The following MRPS18A variants were observed in gnomAD, a reference collection of about 807,000 sequenced individuals.
The protein encoded by MRPS18A is large ribosomal subunit protein mL66.
MRPS18A carries 20 observed loss-of-function variants against 22.7 expected under a neutral mutation model. The ratio of observed to expected loss-of-function variants is 0.88; its 90% confidence interval spans 0.62 to 1.28. MRPS18A has a LOEUF of 1.28. Among genes scored for constraint, MRPS18A ranks in the 50% most tolerant of loss-of-function variants. The probability of loss-of-function intolerance (pLI) is 0.00; values close to 1 mark genes in which losing one functional copy is unlikely to be tolerated. For missense variants in MRPS18A, 294 were observed against 262.6 expected, an observed-to-expected ratio of 1.12 and a Z score of -0.83; for synonymous variants, 106 against 99.1, an observed-to-expected ratio of 1.07 and a Z score of -0.41.
intron 5 of MRPS18A, chr6:43,672,362 A>G (rs2277125): frequency 0.14 from 66,289 of 472,082 alleles, 5,720 homozygotes; most frequent in East Asian, 0.27. Flanking sequence ...TATAACTGGT[A>G]TAAGACCCCT....
chr6:43,671,724 C>T lies in MRPS18A; in HGVS notation c.*38G>A. The stretch of plus-strand genomic sequence containing the variant: ...TGTGAGTGGGCCTCCTACTCCCCAG[C>T]ACAGGTGCAGGAGGAACTCTGGAAG... On this transcript the variant is annotated 3_prime_UTR_variant, in exon 6 of 6. Transcript: ENST00000372133. The T allele has an allele frequency of 6.2e-7, 1 of 1,613,514 alleles. No homozygotes were observed.
chr6:43,685,855 T>C (rs1774667066), intron 1 of MRPS18A, among the ~76,000 whole-genome samples: 1 of 152,214 alleles, frequency 6.6e-6, no homozygotes, highest in Non-Finnish European at 1.5e-5. Flanking sequence ...GCTTTGAAGA[T>C]AGGTGATTCT....
At chr6:43,680,241 T>TG (rs35228097) in intron 2 of MRPS18A, among the ~76,000 whole-genome samples, 3,924 of 151,690 alleles carry the variant, frequency 0.026, 67 homozygotes, top group Non-Finnish European at 0.037. Context: ...CTAAGGGGAT[T>TG]GGGGGGGGTC....
In MRPS18A at chr6:43,680,565, C is replaced by T. The variant is rs111823463; in HGVS notation, c.144+524G>A. ...GGTGGGATGGGCCCAGGGAGGGAAA[C>T]GGGGGAGTGGGTAGATGAAGTATTG... On this transcript the variant is annotated intron_variant, in intron 2 of 5. Transcript: ENST00000372133. 7.3e-4 allele frequency among the ~76,000 whole-genome samples: 111 copies of T among 152,276 alleles called. 2 individuals are homozygous for T. Among genetic ancestry groups the T allele is most frequent in the Middle Eastern group, 3.4e-3 (1 of 294 alleles).
intron 5 of MRPS18A, 44 bp downstream of exon 5, chr6:43,675,158 C>A: frequency 6.8e-7 from 1 of 1,467,556 alleles, no homozygotes; most frequent in South Asian, 1.4e-5. Flanking sequence ...CCTAGTTTTC[C>A]TGAGCGCAGA....
At chr6:43,686,608 G>GC (rs1296893099) in intron 1 of MRPS18A, among the ~76,000 whole-genome samples, 1 of 152,006 alleles carries the variant, frequency 6.6e-6, no homozygotes, top group African/African-American at 2.4e-5. Context: ...AAATCCAATG[G>GC]CCCCTTCATT....
Position 43,671,375 on chromosome 6 carries a change from G to A in MRPS18A, c.*387C>T, listed in dbSNP as rs41281832. On this transcript the variant is annotated 3_prime_UTR_variant, in exon 6 of 6. Coordinates refer to ENST00000372133, the MANE Select transcript of MRPS18A (RefSeq NM_018135.4). Reference sequence around the variant, plus strand: ...ATTGGCCCCATCACAAGAGATCAGTGACTCAATGCTCAGCACCCAGCTGGC... The same window carrying A: ...ATTGGCCCCATCACAAGAGATCAGTAACTCAATGCTCAGCACCCAGCTGGC... 0.012 allele frequency: 4,596 copies of A among 395,086 alleles called. 42 individuals carry two copies. Among genetic ancestry groups the A allele is most frequent in the Non-Finnish European group, 0.017 (3,606 of 213,932 alleles). 24.5% of individuals were successfully genotyped at this position (395,086 alleles called of 1,614,324 possible). A position where few individuals can be genotyped will look rare whatever the true frequency, so the allele number is the denominator to read the frequency against.
At position 43,671,638 on chromosome 6, in the gene MRPS18A, T is replaced by G; in HGVS notation, c.*124A>C. The G allele has an allele frequency of 8.9e-7, 1 of 1,122,684 alleles. No individual in the cohort carries two copies. Among genetic ancestry groups the G allele is most frequent in the Non-Finnish European group, 1.3e-6 (1 of 760,038 alleles). 69.5% of individuals were successfully genotyped at this position (1,122,684 alleles called of 1,614,324 possible). On this transcript the variant is annotated 3_prime_UTR_variant, in exon 6 of 6. Transcript: ENST00000372133. Reference sequence around the variant, plus strand: ...AGTCCCACTGTCCCCTGTCCATGCATGTTGGAGGGACCAGGCCATCGTGGT... The same window carrying G: ...AGTCCCACTGTCCCCTGTCCATGCAGGTTGGAGGGACCAGGCCATCGTGGT...
chr6:43,675,226 G>C lies in MRPS18A; in HGVS notation c.422C>G (p.Pro141Arg), dbSNP rs35480020. Residue 141 changes from proline (P) to arginine (R), a missense_variant, in exon 5 of 6, where the codon CCG becomes CGG. Physicochemically the swap from Pro to Arg is moderately radical, Grantham distance 103. Transcript: ENST00000372133. ...CCGGTTGAGTTGGGGTTTGCTCTTC[G>C]GAACAACTCCTTCAGGAAGCCGAGG... ...HRPRLPEGVV[P>R]KSKPQLNRYL... 2,877 of 1,521,632 alleles carry C rather than the reference G, an allele frequency of 1.9e-3. 53 individuals carry two copies. In the African/African-American group the frequency reaches 0.035, roughly 19 times the overall value. 94.3% of individuals were successfully genotyped at this position (1,521,632 alleles called of 1,614,324 possible).
At position 43,671,684 on chromosome 6, in the gene MRPS18A, T is replaced by C. The variant is rs183928803; in HGVS notation, c.*78A>G. ...GTGGTGGGGTGGGACAGGAGTATAG[T>C]TGTGGCCAAGGGCTTGTGAGTGGGC... On this transcript the variant is annotated 3_prime_UTR_variant, in exon 6 of 6. Transcript: ENST00000372133. The C allele has an allele frequency of 1.5e-5, 24 of 1,556,536 alleles. No homozygotes were observed. In the African/African-American group the frequency reaches 2.3e-4, roughly 15 times the overall value.
chr6:43,675,646 G>A lies in MRPS18A; in HGVS notation c.253-29C>T, dbSNP rs374831777. 8 of 1,577,204 alleles carry A rather than the reference G, an allele frequency of 5.1e-6. No homozygotes were observed. In the African/African-American group the frequency reaches 1.1e-4, roughly 21 times the overall value. ...GTGGAAACCGAAAATAGGGGATGAG[G>A]GTCAGCTGGGCTTGCTTTTGATGCC... On this transcript the variant is annotated intron_variant, in intron 3 of 5. Transcript: ENST00000372133.
At chr6:43,686,527 A>C (rs1023396693) in intron 1 of MRPS18A, among the ~76,000 whole-genome samples, 2 of 152,190 alleles carry the variant, frequency 1.3e-5, no homozygotes, top group African/African-American at 4.8e-5. Context: ...TCATTTCTCC[A>C]AACTGGATTC....
intron 5 of MRPS18A, among the ~76,000 whole-genome samples, chr6:43,672,888 G>C (rs971605316): frequency 6.6e-6 from 1 of 152,064 alleles, no homozygotes; most frequent in Admixed American, 6.6e-5. Flanking sequence ...CTCCAAGTGT[G>C]TGCTGGGCAG....
intron 3 of MRPS18A, among the ~76,000 whole-genome samples, chr6:43,676,549 T>C (rs954861084): frequency 1.3e-5 from 2 of 152,068 alleles, no homozygotes; most frequent in Non-Finnish European, 2.9e-5. Flanking sequence ...GTCAAAGGAA[T>C]AGATAAGCAG....
At chr6:43,680,039 A>AT (rs1052393826) in intron 2 of MRPS18A, among the ~76,000 whole-genome samples, 1 of 152,152 alleles carries the variant, frequency 6.6e-6, no homozygotes, top group African/African-American at 2.4e-5. Flanking sequence ...AAAGGCATGG[A>AT]TGGGCTCTTC....
chr6:43,675,318 C>A, intron 4 of MRPS18A, 47 bp from the exon 5 acceptor site: 1 of 1,557,746 alleles, frequency 6.4e-7, no homozygotes, highest in Non-Finnish European at 8.7e-7. Context: ...CCCTCTGCAG[C>A]TCTGAGGGGG....
Position 43,681,112 on chromosome 6 carries a change from T to G in MRPS18A, c.121A>C (p.Thr41Pro). ...PARGFREVVE[T>P]QEGKTTIIEG... ...ACTATAGTTGTCTTCCCTTCTTGGG[T>G]CTCCACCACTACGGAGATAAAGGGG... The change falls in exon 2 of 6, where the codon ACC becomes CCC. Residue 41 changes from threonine (T) to proline (P), a missense_variant. Coordinates refer to ENST00000372133, the MANE Select transcript of MRPS18A (RefSeq NM_018135.4). 1 of 1,613,390 alleles carries G rather than the reference T, an allele frequency of 6.2e-7. No individual in the cohort carries two copies. The highest frequency in any genetic ancestry group is 8.5e-7 in the Non-Finnish European group (1 of 1,179,486).
At chr6:43,679,829 T>C (rs1282273968) in intron 2 of MRPS18A, among the ~76,000 whole-genome samples, 1 of 152,138 alleles carries the variant, frequency 6.6e-6, no homozygotes, top group Non-Finnish European at 1.5e-5. Flanking sequence ...ACGGTAGGCC[T>C]TGGGAGGCAG....
At chr6:43,677,673 T>C (rs1196318253) in intron 3 of MRPS18A, among the ~76,000 whole-genome samples, 1 of 152,150 alleles carries the variant, frequency 6.6e-6, no homozygotes, top group African/African-American at 2.4e-5. Context: ...ATCCCAGCTC[T>C]GATACTGGCT....
Sources: gnomAD v4.1 joint callset for allele counts (sites outside exome capture counted in the v4.1 genomes callset) on GRCh38, gnomAD v4.1.1 for gene constraint, MANE v1.5 for transcripts, NCBI Gene and HGNC (gene_info 2026-07-23, HGNC 2026-07-21) for gene names.